NCOA6: variants seen among roughly 807,000 people sequenced by gnomAD.
NCOA6 encodes the protein nuclear receptor coactivator 6, also known as NRC RAP250.
NCOA6 carries 49 observed loss-of-function variants against 171.4 expected under a neutral mutation model. The ratio of observed to expected loss-of-function variants is 0.29; its 90% CI spans 0.23 to 0.36. NCOA6 has a LOEUF of 0.36. NCOA6 is among the 10% of genes least tolerant of loss of function. NCOA6 has a pLI of 1.00. For missense variants in NCOA6, 2,248 were observed against 2,554.5 expected (o/e 0.88, Z 2.59); for synonymous variants, 910 against 927.5 (o/e 0.98, Z 0.34).
chr20:34,800,008 G>A (rs2078206088), intron 1 of NCOA6, among the ~76,000 whole-genome samples: 1 of 152,064 alleles, frequency 6.6e-6, no homozygotes, highest in Non-Finnish European at 1.5e-5. Context: ...AAGACTAAGA[G>A]ACCAATTAAA....
intron 13 of NCOA6, among the ~76,000 whole-genome samples, chr20:34,730,675 T>C (rs1176810002): frequency 3.3e-5 from 5 of 151,978 alleles, no homozygotes; most frequent in Non-Finnish European, 7.4e-5. Flanking sequence ...TAGCTATGCA[T>C]TTATTGACTA....
At chr20:34,759,810 G>A (rs1247787208) in intron 5 of NCOA6, among the ~76,000 whole-genome samples, 1 of 152,002 alleles carries the variant, frequency 6.6e-6, no homozygotes, top group Non-Finnish European at 1.5e-5. Flanking sequence ...TATATATTTA[G>A]AATTGCTAGG....
At chr20:34,811,322 T>C (rs1398136565) in intron 1 of NCOA6, among the ~76,000 whole-genome samples, 1 of 150,168 alleles carries the variant, frequency 6.7e-6, no homozygotes, top group Non-Finnish European at 1.5e-5. Context: ...AGAATTCCTC[T>C]GGCACCTGCT....
chr20:34,740,630 T>C lies in NCOA6; in HGVS notation c.5626A>G (p.Ser1876Gly). The change falls in exon 11 of 15, where the codon AGT becomes GGT. Residue 1876 changes from serine to glycine, a missense_variant. Physicochemically the swap from Ser to Gly is moderately conservative, Grantham distance 56 (BLOSUM62 0). Transcript: ENST00000359003. Reference protein sequence around the residue: ...GTEQLSTELDSKTPTPPAPTL... With the variant: ...GTEQLSTELDGKTPTPPAPTL... ...GGTGCTGGGGGCGTTGGGGTTTTACTGTCCAGCTCTGTGGATAACTGCTCT... is the reference window on the plus strand; with the variant it reads ...GGTGCTGGGGGCGTTGGGGTTTTACCGTCCAGCTCTGTGGATAACTGCTCT... 1.2e-6 allele frequency: 2 copies of C among 1,614,220 alleles called. No homozygotes were observed. The highest frequency in any genetic ancestry group is 8.5e-7 in the Non-Finnish European group (1 of 1,180,042).
In NCOA6 at chr20:34,715,150, C is replaced by CA; in HGVS notation, c.*171dup. 1 of 748,460 alleles carries CA rather than the reference C, an allele frequency of 1.3e-6. No individual in the cohort carries two copies. Among genetic ancestry groups the CA allele is most frequent in the Non-Finnish European group, 2.2e-6 (1 of 460,596 alleles). 46.4% of individuals were successfully genotyped at this position (748,460 alleles called of 1,614,324 possible). On this transcript the variant is annotated 3_prime_UTR_variant, in exon 15 of 15. Coordinates refer to ENST00000359003, the MANE Select transcript of NCOA6 (RefSeq NM_014071.5). ...AACTCGCAACACCAAAAGGGCTCAA[C>CA]AGTCCTGCTTTCCCCATTGCACTTT...
intron 14 of NCOA6, 102 bp downstream of exon 14, chr20:34,727,157 C>T: frequency 7.3e-7 from 1 of 1,374,664 alleles, no homozygotes. Context: ...TGACAGACTT[C>T]AGGAACAGAA....
At chr20:34,771,514 C>T (rs1438942800) in intron 4 of NCOA6, among the ~76,000 whole-genome samples, 1 of 152,210 alleles carries the variant, frequency 6.6e-6, no homozygotes, top group Non-Finnish European at 1.5e-5. Context: ...TTTATACTTA[C>T]AGCGCACGTC....
intron 2 of NCOA6, among the ~76,000 whole-genome samples, chr20:34,784,576 T>C (rs1437833298): frequency 6.6e-6 from 1 of 152,032 alleles, no homozygotes; most frequent in Non-Finnish European, 1.5e-5. Context: ...AGGGCAGCGA[T>C]TTAAGACCAG....
intron 8 of NCOA6, among the ~76,000 whole-genome samples, chr20:34,751,710 A>G (rs1334610757): frequency 6.6e-6 from 1 of 152,152 alleles, no homozygotes; most frequent in Non-Finnish European, 1.5e-5. Flanking sequence ...CATGTGGCAC[A>G]TGTTTTAGTC....
chr20:34,769,489 G>C (rs1345435430), intron 4 of NCOA6, among the ~76,000 whole-genome samples: 1 of 151,688 alleles, frequency 6.6e-6, no homozygotes, highest in East Asian at 1.9e-4. Flanking sequence ...TCAGCCTTCC[G>C]AGTAGCTGGG....
chr20:34,820,398 T>A (rs1302911051), intron 1 of NCOA6: 1 of 151,364 alleles, frequency 6.6e-6, no homozygotes, highest in Non-Finnish European at 1.5e-5. Flanking sequence ...TAACTGCAAA[T>A]CTTAAAGGAA....
chr20:34,757,191 C>T, intron 7 of NCOA6, 29 bp downstream of exon 7: 1 of 1,517,450 alleles, frequency 6.6e-7, no homozygotes, highest in Non-Finnish European at 8.8e-7. Context: ...AGCAAATTTA[C>T]CAACACAAAT....
At chr20:34,780,541 G>T (rs535219151) in intron 3 of NCOA6, among the ~76,000 whole-genome samples, 1 of 152,166 alleles carries the variant, frequency 6.6e-6, no homozygotes, top group African/African-American at 2.4e-5. Flanking sequence ...TAGTAGACAA[G>T]GTTTCACCAT....
At chr20:34,750,610 C>T in intron 8 of NCOA6, 91 bp from the exon 9 acceptor site, 2 of 1,330,976 alleles carry the variant, frequency 1.5e-6, no homozygotes, top group South Asian at 3.1e-5. Flanking sequence ...AGAAAGACAT[C>T]CATCACCCTT....
chr20:34,764,303 G>A (rs907481120), intron 5 of NCOA6, among the ~76,000 whole-genome samples: 1 of 152,098 alleles, frequency 6.6e-6, no homozygotes, highest in Non-Finnish European at 1.5e-5. Flanking sequence ...TAGCCAGGAT[G>A]GTCTCCATCT....
chr20:34,738,644 G>C (rs2076031389), intron 11 of NCOA6, among the ~76,000 whole-genome samples: 1 of 152,266 alleles, frequency 6.6e-6, no homozygotes, highest in Non-Finnish European at 1.5e-5. Flanking sequence ...AAGAGGCAGA[G>C]AGAAGGGGAA....
intron 1 of NCOA6, among the ~76,000 whole-genome samples, chr20:34,812,883 A>G (rs145434561): frequency 0.013 from 2,026 of 152,138 alleles, 38 homozygotes; most frequent in African/African-American, 0.046. Flanking sequence ...GGCCGGTCAC[A>G]GTGACTCATG....
chr20:34,770,639 T>A (rs2077120070), intron 4 of NCOA6, among the ~76,000 whole-genome samples: 1 of 152,020 alleles, frequency 6.6e-6, no homozygotes, highest in Non-Finnish European at 1.5e-5. Flanking sequence ...AAACTTCTTT[T>A]TTTTTTTTTG....
intron 1 of NCOA6, among the ~76,000 whole-genome samples, chr20:34,798,627 G>A (rs2424999): frequency 0.61 from 92,241 of 152,048 alleles, 28,410 homozygotes; most frequent in South Asian, 0.75. Context: ...CAGCATAGAC[G>A]GACAAATTCC....
Sources: gnomAD v4.1 joint callset for allele counts (sites outside exome capture counted in the v4.1 genomes callset) on GRCh38, gnomAD v4.1.1 for gene constraint, MANE v1.5 for transcripts, NCBI Gene and HGNC (gene_info 2026-07-23, HGNC 2026-07-21) for gene names.